ARHGAP9: variants seen among roughly 807,000 people sequenced by gnomAD.
ARHGAP9 encodes the protein Rho GTPase activating protein 9, also known as rho GTPase-activating protein 9.
A neutral mutation model predicts 87.3 loss-of-function variants in ARHGAP9; 76 were observed. The ratio of observed to expected loss-of-function variants is 0.87; its 90% CI spans 0.72 to 1.05. The LOEUF is 1.05. Ranked by LOEUF, ARHGAP9 falls within the 50% of genes least tolerant of loss-of-function variation. ARHGAP9 has a pLI of 0.00. For missense variants in ARHGAP9, 941 were observed against 960.5 expected, an observed-to-expected ratio of 0.98 and a Z score of 0.27; for synonymous variants, 382 against 394.9, an observed-to-expected ratio of 0.97 and a Z score of 0.39.
intron 13 of ARHGAP9, 83 bp from the exon 14 acceptor site, chr12:57,474,786 C>A (rs1302834878): frequency 1.9e-6 from 3 of 1,604,578 alleles, no homozygotes; most frequent in Non-Finnish European, 2.6e-6. Flanking sequence ...AGAAAAAGGG[C>A]AGTAGGAAGA....
intron 9 of ARHGAP9, 49 bp downstream of exon 9, chr12:57,476,022 G>A (rs1364525229): frequency 6.6e-7 from 1 of 1,505,734 alleles, no homozygotes; most frequent in Admixed American, 2.1e-5. Context: ...GAGATTGGGG[G>A]CGCCCTCGGG....
At chr12:57,477,955 A>G in intron 3 of ARHGAP9, 1 of 1,249,060 alleles carries the variant, frequency 8.0e-7, no homozygotes, top group Non-Finnish European at 1.0e-6. Flanking sequence ...GGAAAGGGGA[A>G]CAGGCTTTTT....
At chr12:57,486,777 C>G (rs1487844964) in intron 1 of ARHGAP9, among the ~76,000 whole-genome samples, 2 of 146,394 alleles carry the variant, frequency 1.4e-5, no homozygotes, top group African/African-American at 4.9e-5. Context: ...TCCAGCTACT[C>G]GGGAGGCTGA....
rs1412154411 is a variant in ARHGAP9, at chr12:57,488,179, T to G, written c.-204+433A>C. The stretch of plus-strand genomic sequence containing the variant: ...GCCCGGGGCAGAGCAGAGGTGCTCA[T>G]CAGCACTGTAGGCCCGGAAGGTACT... On this transcript the variant is annotated intron_variant, in intron 1 of 20. Coordinates refer to the ARHGAP9 transcript ENST00000393797. 1.9e-6 allele frequency: 3 copies of G among 1,613,942 alleles called. No individual in the cohort carries two copies. Among genetic ancestry groups the G allele is most frequent in the Non-Finnish European group, 2.5e-6 (3 of 1,179,900 alleles).
chr12:57,474,843 G>A, intron 13 of ARHGAP9, 32 bp downstream of exon 13: 9 of 1,613,310 alleles, frequency 5.6e-6, no homozygotes, highest in Non-Finnish European at 7.6e-6. Context: ...TAGCCTGTTG[G>A]AAGAGGATTC....
upstream of ARHGAP9, chr12:57,480,227 G>T: frequency 1.4e-6 from 1 of 692,378 alleles, no homozygotes; most frequent in Non-Finnish European, 1.8e-6. Flanking sequence ...TGTCCCCCAG[G>T]CTGGAGTGTG....
At position 57,475,546 on chromosome 12, in the gene ARHGAP9, C is replaced by G; in HGVS notation, c.1381G>C (p.Glu461Gln). Residue 461 changes from glutamate (E) to glutamine (Q), a missense_variant, in exon 11 of 18, where the codon GAA becomes CAA. Glu to Gln is a conservative substitution (Grantham distance 29, BLOSUM62 2). Transcript: ENST00000393791. ...GPAELSAGED[E>Q]EEESELVSKP... ...GACACCAGCTCCGACTCCTCTTCTT[C>G]GTCCTCCCCGGCGCTCAGCTCCGCG... 6.2e-7 allele frequency: 1 copy of G among 1,607,816 alleles called. No homozygotes were observed. The highest frequency in any genetic ancestry group is 8.5e-7 in the Non-Finnish European group (1 of 1,177,740).
chr12:57,478,542 T>C lies in ARHGAP9; in HGVS notation c.532A>G (p.Thr178Ala), dbSNP rs554789244. 1.9e-6 allele frequency: 3 copies of C among 1,613,998 alleles called. No individual in the cohort carries two copies. In the East Asian group the frequency reaches 6.7e-5, roughly 36 times the overall value. Residue 178 changes from threonine (T) to alanine (A), a missense_variant and splice_region_variant, in exon 3 of 18, where the codon ACA becomes GCA. Transcript: ENST00000393791. ...EDLPSEASAS[T>A]AGPQPLMSEP... ...AGCTCAGAAGAGCTGTGACTCACTG[T>C]GCTGGCACTGGCTTCTGACGGCAAG...
chr12:57,488,710 G>C (rs142997814), exon 1 of ARHGAP9: 1 of 1,463,190 alleles, frequency 6.8e-7, no homozygotes, highest in Non-Finnish European at 9.4e-7. Flanking sequence ...GTGACCTTCA[G>C]ATAATTATGA....
At chr12:57,478,151 A>G in intron 3 of ARHGAP9, 1 of 318,890 alleles carries the variant, frequency 3.1e-6, no homozygotes, top group South Asian at 3.5e-5. Context: ...CAAGCAGAAC[A>G]CAGAAAAACC....
At chr12:57,481,474 A>G (rs1428687046), upstream of ARHGAP9, among the ~76,000 whole-genome samples, 1 of 151,764 alleles carries the variant, frequency 6.6e-6, no homozygotes, top group East Asian at 1.9e-4. Context: ...GCTGGTCTCG[A>G]ACTCCTGACC....
intron 12 of ARHGAP9, 36 bp from the exon 13 acceptor site, chr12:57,475,009 G>A (rs1463146277): frequency 5.6e-6 from 9 of 1,596,900 alleles, no homozygotes; most frequent in South Asian, 5.5e-5. Context: ...GCCAGTGCCA[G>A]CGTCACTCAC....
At chr12:57,475,721 G>GC in intron 10 of ARHGAP9, 106 bp from the exon 11 acceptor site, 1 of 1,533,608 alleles carries the variant, frequency 6.5e-7, no homozygotes. Flanking sequence ...CCAGGCAAGG[G>GC]CTCTCCACTG....
Position 57,479,437 on chromosome 12 carries a change from G to C in ARHGAP9, c.-18-13C>G. On this transcript the variant is annotated splice_polypyrimidine_tract_variant and intron_variant, in intron 1 of 17. Coordinates refer to ENST00000393791, the MANE Select transcript of ARHGAP9 (RefSeq NM_032496.4). ...CCAGCACTGTCACCTGTGAGAAAAA[G>C]GGACACTGGAGACCCAGAAGGGAAT... 6.2e-7 allele frequency: 1 copy of C among 1,601,040 alleles called. No homozygotes were observed. Among genetic ancestry groups the C allele is most frequent in the Non-Finnish European group, 8.5e-7 (1 of 1,174,240 alleles).
intron 15 of ARHGAP9, 68 bp downstream of exon 15, chr12:57,474,355 G>A (rs1872824623): frequency 3.1e-6 from 5 of 1,596,934 alleles, no homozygotes; most frequent in African/African-American, 1.3e-5. Context: ...AGTACATGGG[G>A]GTTTCCACGG....
chr12:57,476,130 G>A lies in ARHGAP9; in HGVS notation c.1153C>T (p.Leu385=), dbSNP rs770332225. 2 of 1,543,460 alleles carry A rather than the reference G, an allele frequency of 1.3e-6. No homozygotes were observed. The highest frequency in any genetic ancestry group is 4.9e-5 in the East Asian group (2 of 40,824). The change falls in exon 9 of 18, where the codon CTG becomes TTG. Residue 385 remains leucine (L), a synonymous_variant. Transcript: ENST00000393791. ...AGSRPESSVD[L]RGAALAHGRH... ...CCGTGCGCCAGGGCCGCCCCGCGCA[G>A]GTCCACGCTACTTTCGGGCCGGCTA...
At chr12:57,479,653 T>G in intron 1 of ARHGAP9, 77 bp downstream of exon 1, 1 of 1,549,790 alleles carries the variant, frequency 6.5e-7, no homozygotes, top group Non-Finnish European at 8.7e-7. Flanking sequence ...AGAGAGGATG[T>G]GGTCAGCAGG....
In ARHGAP9 at chr12:57,476,178, G is replaced by C. The variant is rs1462098801; in HGVS notation, c.1117-12C>G. 1.3e-6 allele frequency: 2 copies of C among 1,533,672 alleles called. No individual in the cohort carries two copies. The highest frequency in any genetic ancestry group is 1.4e-5 in the African/African-American group (1 of 72,718). ...CTACCCGCTGGTCCCTGACAATGAG[G>C]GAGGAAACTGAGGCCACGGTGTTGT... is the stretch of plus-strand genomic sequence containing the variant. On this transcript the variant is annotated splice_polypyrimidine_tract_variant and intron_variant, in intron 8 of 17. Coordinates refer to ENST00000393791, the MANE Select transcript of ARHGAP9 (RefSeq NM_032496.4).
At chr12:57,477,796 G>GTGAGA (rs1444152982) in intron 3 of ARHGAP9, 116 bp from the exon 4 acceptor site, 1 of 1,535,982 alleles carries the variant, frequency 6.5e-7, no homozygotes. Flanking sequence ...GCCAGCTCTG[G>GTGAGA]GCTGAGGTGA....
Sources: gnomAD v4.1 joint callset for allele counts (sites outside exome capture counted in the v4.1 genomes callset) on GRCh38, gnomAD v4.1.1 for gene constraint, MANE v1.5 for transcripts, NCBI Gene and HGNC (gene_info 2026-07-23, HGNC 2026-07-21) for gene names.